The following FHIT variants were observed in gnomAD, a reference collection of about 807,000 sequenced individuals.
FHIT encodes the protein fragile histidine triad diadenosine triphosphatase.
In FHIT, 19 loss-of-function variants were observed where a neutral mutation model predicts 17.9. The observed-to-expected ratio is 1.06, with a 90% confidence interval of 0.74 to 1.56. The LOEUF is 1.56. FHIT is among the 40% of genes most tolerant of loss of function. The pLI is 0.00. For synonymous variants in FHIT, 81 were observed against 69.7 expected, an observed-to-expected ratio of 1.16 and a Z score of -0.81; for missense variants, 248 against 189.2, an observed-to-expected ratio of 1.31 and a Z score of -1.82.
At chr3:61,051,538 C>T (rs1220278119) in intron 2 of FHIT, among the ~76,000 whole-genome samples, 3 of 152,128 alleles carry the variant, frequency 2.0e-5, no homozygotes, top group African/African-American at 7.2e-5. Flanking sequence ...CCTGAGACAC[C>T]ACCCCTGGCT....
At chr3:60,219,148 T>A (rs1270564985) in intron 5 of FHIT, among the ~76,000 whole-genome samples, 2 of 152,112 alleles carry the variant, frequency 1.3e-5, no homozygotes, top group Non-Finnish European at 2.9e-5. Context: ...TTATCTAATT[T>A]CCTACTGCAT....
chr3:60,500,770 C>CA (rs2034491806), intron 5 of FHIT, among the ~76,000 whole-genome samples: 1 of 45,122 alleles, frequency 2.2e-5, no homozygotes, highest in Admixed American at 3.1e-4. Context: ...GAGCATCCAT[C>CA]TAAAAAAAAA....
chr3:60,907,389 A>G (rs1184190685), intron 3 of FHIT, among the ~76,000 whole-genome samples: 1 of 152,228 alleles, frequency 6.6e-6, no homozygotes, highest in African/African-American at 2.4e-5. Context: ...AAAAGGCAGG[A>G]GAATATTCTA....
chr3:60,000,567 C>T (rs1296186229), intron 7 of FHIT, among the ~76,000 whole-genome samples: 1 of 151,994 alleles, frequency 6.6e-6, no homozygotes, highest in Non-Finnish European at 1.5e-5. Flanking sequence ...CAAACCCATC[C>T]TAATTTTGTG....
intron 5 of FHIT, among the ~76,000 whole-genome samples, chr3:60,077,823 T>A (rs1050703152): frequency 2.6e-5 from 4 of 151,354 alleles, no homozygotes; most frequent in Non-Finnish European, 5.9e-5. Context: ...GTCAATAAAA[T>A]TGAATTAGAG....
At chr3:60,448,401 G>A (rs2031490384) in intron 5 of FHIT, among the ~76,000 whole-genome samples, 1 of 152,102 alleles carries the variant, frequency 6.6e-6, no homozygotes, top group Admixed American at 6.6e-5. Context: ...AGTATCAAGT[G>A]GTATCAACTG....
intron 5 of FHIT, among the ~76,000 whole-genome samples, chr3:60,039,875 T>C (rs1701365608): frequency 6.6e-6 from 1 of 152,186 alleles, no homozygotes; most frequent in African/African-American, 2.4e-5. Context: ...CTAAATGTCC[T>C]CATCTGTGAA....
intron 5 of FHIT, among the ~76,000 whole-genome samples, chr3:60,049,008 C>T (rs1300537765): frequency 1.3e-5 from 2 of 152,176 alleles, no homozygotes; most frequent in African/African-American, 4.8e-5. Flanking sequence ...CACAGCACAC[C>T]AGCAGCCTAG....
chr3:60,715,212 T>C (rs1297017182), intron 4 of FHIT, among the ~76,000 whole-genome samples: 1 of 152,096 alleles, frequency 6.6e-6, no homozygotes, highest in Non-Finnish European at 1.5e-5. Flanking sequence ...TAAATGGTGC[T>C]GGGAAAACTG....
chr3:60,180,183 T>C (rs907948601), intron 5 of FHIT, among the ~76,000 whole-genome samples: 9 of 152,134 alleles, frequency 5.9e-5, no homozygotes, highest in African/African-American at 2.2e-4. Flanking sequence ...ATTTATGAGA[T>C]AATGCTGAAG....
chr3:59,789,773 G>C (rs1338627599), intron 8 of FHIT, among the ~76,000 whole-genome samples: 2 of 152,166 alleles, frequency 1.3e-5, no homozygotes, highest in Non-Finnish European at 2.9e-5. Context: ...ATACATCAGT[G>C]ACATTCTAGC....
chr3:60,192,275 G>A (rs1393027773), intron 5 of FHIT, among the ~76,000 whole-genome samples: 5 of 146,374 alleles, frequency 3.4e-5, no homozygotes, highest in African/African-American at 1.3e-4. Flanking sequence ...AAAAGTTAAA[G>A]GATAGACAGG....
rs535813591 is a variant in FHIT at position 60,592,183 on chromosome 3, T to A, written c.-17-55204A>T. Among the ~76,000 whole-genome samples the A allele has an allele frequency of 2.7e-5, 4 of 147,700 alleles. No individual in the cohort carries two copies. In the South Asian group the frequency reaches 6.3e-4, roughly 23 times the overall value. ...AATATATATATTATTATATATATAT[T>A]ATCTCTCTATATATTCTCTATATGT... On this transcript the variant is annotated intron_variant, in intron 4 of 9. Coordinates refer to ENST00000492590, the MANE Select transcript of FHIT (RefSeq NM_002012.4).
At chr3:59,815,351 C>A (rs1700561542) in intron 8 of FHIT, among the ~76,000 whole-genome samples, 1 of 152,056 alleles carries the variant, frequency 6.6e-6, no homozygotes, top group African/African-American at 2.4e-5. Flanking sequence ...AGGGGAATTA[C>A]CATTTGATCC....
At chr3:60,476,724 G>A (rs1431187217) in intron 5 of FHIT, among the ~76,000 whole-genome samples, 2 of 152,094 alleles carry the variant, frequency 1.3e-5, no homozygotes, top group Non-Finnish European at 2.9e-5. Flanking sequence ...TTGGGCACTG[G>A]GTATAAACAA....
chr3:60,011,201 T>G (rs4679626), intron 7 of FHIT, among the ~76,000 whole-genome samples, 170 bp downstream of exon 7: 1 of 152,104 alleles, frequency 6.6e-6, no homozygotes, highest in Non-Finnish European at 1.5e-5. Flanking sequence ...GGAAACATAT[T>G]GTTTGGCAGA....
At chr3:61,008,468 TG>T (rs2031588303) in intron 3 of FHIT, among the ~76,000 whole-genome samples, 1 of 151,630 alleles carries the variant, frequency 6.6e-6, no homozygotes. Context: ...AAAAGGAGTC[TG>T]GGGCTAGGAA....
chr3:61,014,911 T>C (rs555769082), intron 3 of FHIT, among the ~76,000 whole-genome samples: 1 of 149,164 alleles, frequency 6.7e-6, no homozygotes, highest in East Asian at 2.0e-4. Flanking sequence ...TATACATATA[T>C]ATATGTGTAC....
At chr3:60,348,646 G>T (rs1421326864) in intron 5 of FHIT, among the ~76,000 whole-genome samples, 1 of 152,146 alleles carries the variant, frequency 6.6e-6, no homozygotes, top group African/African-American at 2.4e-5. Flanking sequence ...AGCTCTTGTG[G>T]CAGAGAGCAA....
Sources: allele counts gnomAD v4.1 joint callset (sites outside exome capture counted in the v4.1 genomes callset), GRCh38; gene constraint gnomAD v4.1.1; transcripts MANE v1.5; gene names NCBI Gene and HGNC (gene_info 2026-07-23, HGNC 2026-07-21).